PEX13: variants seen among roughly 807,000 people sequenced by gnomAD.
The protein encoded by PEX13 is peroxisome biogenesis factor 13.
In PEX13, 28 loss-of-function variants were observed where a neutral mutation model predicts 34.5. The observed-to-expected ratio is 0.81, with a 90% CI of 0.60 to 1.11. The LOEUF (loss-of-function observed/expected upper bound fraction) is 1.11. PEX13 is among the 50% of genes most tolerant of loss of function. The probability of loss-of-function intolerance (pLI) is 0.00; values close to 1 mark genes in which losing one functional copy is unlikely to be tolerated. For missense variants in PEX13, 550 were observed against 491.0 expected, an observed-to-expected ratio of 1.12 and a Z score of -1.13; for synonymous variants, 177 against 175.1, an observed-to-expected ratio of 1.01 and a Z score of -0.09.
intron 2 of PEX13, among the ~76,000 whole-genome samples, chr2:61,043,435 C>G (rs1229341338): frequency 6.6e-6 from 1 of 151,790 alleles, no homozygotes; most frequent in Non-Finnish European, 1.5e-5. Flanking sequence ...AAGAATTAGC[C>G]TCTATGAATA....
Position 61,031,401 on chromosome 2 carries a change from A to C in PEX13, c.93-18A>C, listed in dbSNP as rs773183074. 1.3e-5 allele frequency: 21 copies of C among 1,584,452 alleles called. No individual in the cohort carries two copies. The Admixed American group carries it at 3.2e-4, about 24-fold the overall frequency. On this transcript the variant is annotated intron_variant, in intron 1 of 3. Transcript: ENST00000295030. ...ATTGTATGCTTAAATAACTGTTTTG[A>C]ATCTTTTTTGGTTTTAGATCTGCTG...
At chr2:61,037,268 A>T (rs538401450) in intron 2 of PEX13, among the ~76,000 whole-genome samples, 4 of 152,348 alleles carry the variant, frequency 2.6e-5, no homozygotes, top group Non-Finnish European at 5.9e-5. Context: ...GACCCAGCGG[A>T]CCTAATAGAC....
rs867920633 is a variant in PEX13 at position 61,017,826 on chromosome 2, G to C, written c.67G>C (p.Gly23Arg). Residue 23 changes from glycine to arginine, a missense_variant, in exon 1 of 4, where the codon GGA becomes CGA. Physicochemically the swap from Gly to Arg is moderately radical, Grantham distance 125. Coordinates refer to ENST00000295030, the MANE Select transcript of PEX13 (RefSeq NM_002618.4). ...ETRRIPGAGPGPGPGPTFQSA... is the reference protein window; with the variant it reads ...ETRRIPGAGPRPGPGPTFQSA... ...CCGCCGAATTCCGGGAGCCGGACCG[G>C]GACCAGGACCGGGCCCCACTTTCCA... The C allele has an allele frequency of 3.2e-6, 5 of 1,550,544 alleles. No individual in the cohort carries two copies. Among genetic ancestry groups the C allele is most frequent in the African/African-American group, 2.7e-5 (2 of 73,186 alleles).
intron 1 of PEX13, 50 bp downstream of exon 1, chr2:61,017,901 C>T: frequency 6.6e-7 from 1 of 1,520,198 alleles, no homozygotes; most frequent in Non-Finnish European, 8.9e-7. Context: ...CGAGCGGGGA[C>T]TTGGCAGGAG....
chr2:61,018,448 G>C, intron 1 of PEX13: 1 of 892,624 alleles, frequency 1.1e-6, no homozygotes, highest in Non-Finnish European at 1.6e-6. Flanking sequence ...GTGCAAAATA[G>C]TGTATTTTTC....
In PEX13 at chr2:61,027,704, T is replaced by G. The variant is rs1007212729; in HGVS notation, c.93-3715T>G. The stretch of plus-strand genomic sequence containing the variant: ...TTCAGCCCTCCTTACCATTTTACAT[T>G]TCTGTTTAGTTTCTCTTCCATAAGT... On this transcript the variant is annotated intron_variant, in intron 1 of 3. Transcript: ENST00000295030. 5.3e-5 allele frequency among the ~76,000 whole-genome samples: 8 copies of G among 152,336 alleles called. No individual in the cohort carries two copies. The South Asian group carries it at 6.2e-4, about 12-fold the overall frequency.
chr2:61,048,599 A>G lies in PEX13; in HGVS notation c.1041A>G (p.Lys347=). ...GTAGGAAAACGGTGGAATCAAGTAA[A>G]GTTTCCAAGCAGCAACAATCTTTTA... ...RKGRKTVESS[K]VSKQQQSFTN... Residue 347 remains lysine, a synonymous_variant, in exon 4 of 4, where the codon AAA becomes AAG. Coordinates refer to ENST00000295030, the MANE Select transcript of PEX13 (RefSeq NM_002618.4). 1 of 1,614,158 alleles carries G rather than the reference A, an allele frequency of 6.2e-7. No individual in the cohort carries two copies. Among genetic ancestry groups the G allele is most frequent in the Non-Finnish European group, 8.5e-7 (1 of 1,180,024 alleles).
At chr2:61,040,794 G>A (rs950767987) in intron 2 of PEX13, among the ~76,000 whole-genome samples, 1 of 145,702 alleles carries the variant, frequency 6.9e-6, no homozygotes, top group East Asian at 2.0e-4. Context: ...TTAAAGTATA[G>A]TATATATAAG....
rs1457244568 is a variant in PEX13 at position 61,026,729 on chromosome 2, TA to T, written c.93-4689del. Among the ~76,000 whole-genome samples the T allele has an allele frequency of 1.3e-4, 20 of 152,346 alleles. No individual in the cohort carries two copies. In the East Asian group the frequency reaches 2.5e-3, roughly 19 times the overall value. On this transcript the variant is annotated intron_variant, in intron 1 of 3. Transcript: ENST00000295030. ...TTAATTTCAATTTTTATTTCACAGA[TA>T]TTATTTCATTTCTCTCTCTGATAAT...
At chr2:61,024,263 C>G (rs1430283785) in intron 1 of PEX13, among the ~76,000 whole-genome samples, 1 of 152,170 alleles carries the variant, frequency 6.6e-6, no homozygotes, top group East Asian at 1.9e-4. Flanking sequence ...ATACTTGAAT[C>G]TGACTTTGAT....
chr2:61,038,543 C>G (rs13012681), intron 2 of PEX13, among the ~76,000 whole-genome samples: 11,270 of 152,224 alleles, frequency 0.074, 552 homozygotes, highest in Middle Eastern at 0.12. Flanking sequence ...AGGCCTTCAA[C>G]AAAATTCATC....
intron 1 of PEX13, among the ~76,000 whole-genome samples, chr2:61,024,825 C>CA (rs1210823263): frequency 2.6e-5 from 4 of 151,098 alleles, no homozygotes; most frequent in East Asian, 1.9e-4. Flanking sequence ...AAAACAAAAA[C>CA]AAAAAAAACA....
intron 2 of PEX13, among the ~76,000 whole-genome samples, chr2:61,044,382 G>C (rs1680672969): frequency 1.3e-5 from 2 of 152,176 alleles, no homozygotes; most frequent in African/African-American, 4.8e-5. Context: ...GATTCAAGCT[G>C]AGACTATAGG....
intron 1 of PEX13, among the ~76,000 whole-genome samples, chr2:61,022,362 C>G (rs993033328): frequency 6.6e-6 from 1 of 152,172 alleles, no homozygotes; most frequent in Non-Finnish European, 1.5e-5. Flanking sequence ...AAAACCATGG[C>G]ACAAGAACTT....
chr2:61,051,823 AC>A lies in PEX13; in HGVS notation c.*3054del, dbSNP rs1680804095. 1.3e-5 allele frequency: 2 copies of A among 152,356 alleles called. No individual in the cohort carries two copies. Among genetic ancestry groups the A allele is most frequent in the Admixed American group, 1.3e-4 (2 of 15,280 alleles). 9.4% of individuals were successfully genotyped at this position (152,356 alleles called of 1,614,324 possible). On this transcript the variant is annotated 3_prime_UTR_variant, in exon 4 of 4. Coordinates refer to ENST00000295030, the MANE Select transcript of PEX13 (RefSeq NM_002618.4). Reference sequence around the variant, plus strand: ...TCATGTTTTAACATTTTATGTACGTACTTGATTCTGTCTGTGTCATAATTAC... The same window carrying A: ...TCATGTTTTAACATTTTATGTACGTATTGATTCTGTCTGTGTCATAATTAC...
intron 2 of PEX13, among the ~76,000 whole-genome samples, chr2:61,039,037 G>A (rs973973411): frequency 1.2e-4 from 19 of 152,090 alleles, no homozygotes. Flanking sequence ...CAACTTACAA[G>A]GGATGTGAAG....
chr2:61,021,131 C>G (rs572076392), intron 1 of PEX13, among the ~76,000 whole-genome samples: 1 of 152,318 alleles, frequency 6.6e-6, no homozygotes, highest in South Asian at 2.1e-4. Context: ...TTCTGTGTTT[C>G]CAACTGAGGT....
At position 61,031,472 on chromosome 2, in the gene PEX13, C is replaced by G. The variant is rs770858071; in HGVS notation, c.146C>G (p.Thr49Ser). The G allele has an allele frequency of 6.2e-7, 1 of 1,614,114 alleles. No individual in the cohort carries two copies. The highest frequency in any genetic ancestry group is 2.2e-5 in the East Asian group (1 of 44,888). The change falls in exon 2 of 4, where the codon ACC (threonine) becomes AGC (serine). Residue 49 changes from threonine to serine, a missense_variant. By Grantham distance (58) the Thr-to-Ser change is moderately conservative. Coordinates refer to ENST00000295030, the MANE Select transcript of PEX13 (RefSeq NM_002618.4). ...ACAAGACCTGGACAACCAGCACTTA[C>G]CAGAGTGCCCCCACCTATTCTTCCA... ...LMTRPGQPALTRVPPPILPRP... is the reference protein window; with the variant it reads ...LMTRPGQPALSRVPPPILPRP...
In PEX13 at chr2:61,049,681, G is replaced by A. The variant is rs1680763886; in HGVS notation, c.*911G>A. On this transcript the variant is annotated 3_prime_UTR_variant, in exon 4 of 4. Transcript: ENST00000295030. ...CCAGCTACTCGGGAGGCTGAGGCAG[G>A]AGAATTGCTTGAACCCCAGGAGGCG... 6.6e-6 allele frequency: 1 copy of A among 152,300 alleles called. No homozygotes were observed. The highest frequency in any genetic ancestry group is 2.4e-5 in the African/African-American group (1 of 41,460). The allele number at this position is 152,300 out of a possible 1,614,324, so 9.4% of individuals were successfully genotyped here.
Sources: allele counts gnomAD v4.1 joint callset (sites outside exome capture counted in the v4.1 genomes callset), GRCh38; gene constraint gnomAD v4.1.1; transcripts MANE v1.5; gene names NCBI Gene and HGNC (gene_info 2026-07-23, HGNC 2026-07-21).